Variants in IQSEC1 observed in about 807,000 individuals in gnomAD.
The protein encoded by IQSEC1 is IQ motif and SEC7 domain-containing protein 1.
In IQSEC1, 31 loss-of-function variants were observed where a neutral mutation model predicts 91.0. The ratio of observed to expected loss-of-function variants is 0.34; its 90% CI spans 0.26 to 0.46. The LOEUF (loss-of-function observed/expected upper bound fraction) is 0.46. IQSEC1 is among the 20% of genes least tolerant of loss of function. The pLI is 1.00. For synonymous variants in IQSEC1, 699 were observed against 662.6 expected (o/e 1.05, Z -0.84); for missense variants, 1,388 against 1,575.6 (o/e 0.88, Z 2.02).
At chr3:13,106,803 G>A (rs1706159210) in intron 2 of IQSEC1, among the ~76,000 whole-genome samples, 1 of 152,184 alleles carries the variant, frequency 6.6e-6, no homozygotes, top group Non-Finnish European at 1.5e-5. Flanking sequence ...GTGGACGATT[G>A]TTTTTGGAAG....
chr3:12,921,970 G>A lies in IQSEC1; in HGVS notation c.1853+150C>T, dbSNP rs1418721469. 6.2e-5 allele frequency: 56 copies of A among 905,422 alleles called. 1 individual carries two copies. In the East Asian group the frequency reaches 1.7e-3, roughly 28 times the overall value. 56.1% of individuals were successfully genotyped at this position (905,422 alleles called of 1,614,324 possible). ...TCACAGTGCCTGGAACGTAGGAGGA[G>A]CCAGTACGATCACCCCCAAAGCAAC... On this transcript the variant is annotated intron_variant, in intron 5 of 13. Transcript: ENST00000613206.
At chr3:13,192,217 A>G (rs1368958954) in intron 1 of IQSEC1, among the ~76,000 whole-genome samples, 1 of 152,068 alleles carries the variant, frequency 6.6e-6, no homozygotes, top group Non-Finnish European at 1.5e-5. Context: ...GGGCGCCTGT[A>G]GTCCCAGCTA....
chr3:13,177,173 C>T (rs1240124182), intron 1 of IQSEC1, among the ~76,000 whole-genome samples: 2 of 152,222 alleles, frequency 1.3e-5, no homozygotes, highest in Admixed American at 1.3e-4. Flanking sequence ...CTGGATTACA[C>T]ACTTTAAAAG....
chr3:12,941,800 T>C lies in IQSEC1; in HGVS notation c.89A>G (p.Gln30Arg). The change falls in exon 2 of 14, where the codon CAG (glutamine) becomes CGG (arginine). Residue 30 changes from glutamine (Q) to arginine (R), a missense_variant. By Grantham distance (43) the Gln-to-Arg change is conservative. Around this residue, in one of 2 missense-constraint regions of IQSEC1, gnomAD observed 1,059 missense variants for 1,317.8 expected, o/e 0.80. Transcript: ENST00000613206. Reference protein sequence around the residue: ...TSLDSPSAYPQGPLVPGSSLS... With the variant: ...TSLDSPSAYPRGPLVPGSSLS... Reference sequence around the variant, plus strand: ...GCTGGAACCGGGCACCAAGGGGCCCTGGGGGTAGGCTGAGGGGCTGTCCAG... The same window carrying C: ...GCTGGAACCGGGCACCAAGGGGCCCCGGGGGTAGGCTGAGGGGCTGTCCAG... The C allele has an allele frequency of 6.2e-7, 1 of 1,610,942 alleles. No homozygotes were observed. The highest frequency in any genetic ancestry group is 1.1e-5 in the South Asian group (1 of 90,824).
At chr3:13,136,417 G>A (rs538197168) in intron 2 of IQSEC1, among the ~76,000 whole-genome samples, 1 of 152,300 alleles carries the variant, frequency 6.6e-6, no homozygotes, top group Admixed American at 6.5e-5. Flanking sequence ...AGCTCGCCAA[G>A]CATTAAACAA....
At position 12,995,974 on chromosome 3, in the gene IQSEC1, T is replaced by C. The variant is rs188061158; in HGVS notation, c.24-54109A>G. Among the ~76,000 whole-genome samples, 341 of 151,842 alleles carry C rather than the reference T, an allele frequency of 2.2e-3. 2 individuals carry two copies. Among genetic ancestry groups the C allele is most frequent in the Non-Finnish European group, 3.7e-3 (252 of 67,908 alleles). ...TGGAAGGATCACTTGAAGCCAAGAG[T>C]TTTGAGGCCAGCCTGGGCAACACAG... On this transcript the variant is annotated intron_variant, in intron 1 of 13. Transcript: ENST00000613206.
intron 1 of IQSEC1, among the ~76,000 whole-genome samples, chr3:13,200,267 CA>C (rs1244651067): frequency 6.6e-5 from 10 of 152,040 alleles, no homozygotes; most frequent in African/African-American, 2.2e-4. Context: ...CACACACACA[CA>C]CACCACACAC....
chr3:13,099,485 C>T (rs192068354), intron 2 of IQSEC1, among the ~76,000 whole-genome samples: 52 of 152,270 alleles, frequency 3.4e-4, no homozygotes, highest in African/African-American at 1.2e-3. Flanking sequence ...GTGGACTCCT[C>T]CCCCGAGCTG....
At chr3:13,107,760 G>A (rs1041105798) in intron 2 of IQSEC1, among the ~76,000 whole-genome samples, 4 of 152,238 alleles carry the variant, frequency 2.6e-5, no homozygotes, top group African/African-American at 9.6e-5. Flanking sequence ...TGGGCCGCTG[G>A]GTCTCATGAT....
intron 1 of IQSEC1, among the ~76,000 whole-genome samples, chr3:13,044,223 C>T (rs541244628): frequency 6.6e-6 from 1 of 152,196 alleles, no homozygotes; most frequent in Admixed American, 6.5e-5. Flanking sequence ...CATCCCCCCA[C>T]CCCCAGGGAC....
chr3:13,203,859 G>C (rs908117941), intron 1 of IQSEC1, among the ~76,000 whole-genome samples: 1 of 152,192 alleles, frequency 6.6e-6, no homozygotes, highest in Non-Finnish European at 1.5e-5. Flanking sequence ...CACCTAACAC[G>C]TGCGGGGCCC....
At chr3:13,273,209 A>C (rs536448172) in intron 1 of IQSEC1, among the ~76,000 whole-genome samples, 1 of 152,174 alleles carries the variant, frequency 6.6e-6, no homozygotes, top group East Asian at 1.9e-4. Context: ...CTGGCCCCAG[A>C]GTCTGTGTCC....
intron 1 of IQSEC1, among the ~76,000 whole-genome samples, chr3:13,255,213 G>A (rs1170530531): frequency 3.3e-5 from 5 of 152,190 alleles, no homozygotes; most frequent in Non-Finnish European, 1.5e-5. Flanking sequence ...CCAAGGGAGG[G>A]GAGCCACTGC....
chr3:13,130,646 A>AG (rs1706596454), intron 2 of IQSEC1, among the ~76,000 whole-genome samples: 1 of 152,022 alleles, frequency 6.6e-6, no homozygotes, highest in African/African-American at 2.4e-5. Flanking sequence ...GTAGTGAAAG[A>AG]GGGGCACTGG....
chr3:12,999,894 G>A (rs955381136), intron 1 of IQSEC1, among the ~76,000 whole-genome samples: 4 of 152,182 alleles, frequency 2.6e-5, no homozygotes, highest in East Asian at 1.9e-4. Context: ...ATACACATTC[G>A]ATCACATCCC....
chr3:13,274,679 C>A (rs773979102), intron 1 of IQSEC1, among the ~76,000 whole-genome samples: 1 of 152,224 alleles, frequency 6.6e-6, no homozygotes, highest in Non-Finnish European at 1.5e-5. Flanking sequence ...TTCATCTCAG[C>A]GGAGTGGGGA....
intron 1 of IQSEC1, among the ~76,000 whole-genome samples, chr3:13,232,654 G>C (rs1235869153): frequency 1.3e-5 from 2 of 152,174 alleles, no homozygotes; most frequent in Non-Finnish European, 2.9e-5. Context: ...AGGAGACAGA[G>C]CCACAGCCTC....
chr3:13,013,155 T>G (rs1474739484), intron 1 of IQSEC1, among the ~76,000 whole-genome samples: 1 of 151,992 alleles, frequency 6.6e-6, no homozygotes, highest in Non-Finnish European at 1.5e-5. Context: ...GAGATGGGGT[T>G]TCACCATATT....
chr3:12,962,822 GAGACA>G (rs1396121905), intron 1 of IQSEC1, among the ~76,000 whole-genome samples: 1 of 152,264 alleles, frequency 6.6e-6, no homozygotes, highest in African/African-American at 2.4e-5. Context: ...TGTGGGGAAA[GAGACA>G]AGATGCCAGG....
Sources: gnomAD v4.1 joint callset for allele counts (sites outside exome capture counted in the v4.1 genomes callset) on GRCh38, gnomAD v4.1.1 for gene constraint, gnomAD v4.1.1 regional missense constraint, MANE v1.5 for transcripts, NCBI Gene and HGNC (gene_info 2026-07-23, HGNC 2026-07-21) for gene names.